The following SGCZ variants were observed in gnomAD, a reference collection of about 807,000 sequenced individuals.
SGCZ encodes the protein sarcoglycan zeta.
A neutral mutation model predicts 41.3 loss-of-function variants in SGCZ; 40 were observed. The observed-to-expected ratio is 0.97, with a 90% CI of 0.75 to 1.26. The LOEUF (loss-of-function observed/expected upper bound fraction) is 1.26. SGCZ is among the 50% of genes most tolerant of loss of function. The pLI, the probability that SGCZ is intolerant of heterozygous loss-of-function variation, is 0.00. For synonymous variants in SGCZ, 206 were observed against 137.5 expected, an observed-to-expected ratio of 1.50 and a Z score of -3.49; for missense variants, 552 against 369.8, an observed-to-expected ratio of 1.49 and a Z score of -4.04.
At chr8:14,928,371 A>G (rs1469377525) in intron 1 of SGCZ, among the ~76,000 whole-genome samples, 1 of 150,096 alleles carries the variant, frequency 6.7e-6, no homozygotes, top group African/African-American at 2.5e-5. Context: ...AAGTGTGGTT[A>G]CTCTTCTTAC....
At chr8:14,626,296 C>T (rs1165717703) in intron 1 of SGCZ, among the ~76,000 whole-genome samples, 3 of 152,060 alleles carry the variant, frequency 2.0e-5, no homozygotes, top group African/African-American at 7.2e-5. Context: ...TTTGTCCTGA[C>T]GCTATCCCTC....
At position 14,164,587 on chromosome 8, in the gene SGCZ, T is replaced by G; in HGVS notation, c.540A>C (p.Lys180Asn). 6.2e-7 allele frequency: 1 copy of G among 1,613,392 alleles called. No individual in the cohort carries two copies. ...GACCTCCATCTACAGTACCTGTAAC[T>G]TTCAGCTTTTCAGCCCCAATGGTAA... is the stretch of plus-strand genomic sequence containing the variant. ...DEITIGAEKL[K>N]VTGTEGAVFG... Residue 180 changes from lysine (K) to asparagine (N), a missense_variant, in exon 5 of 8, where the codon AAA becomes AAC. Coordinates refer to ENST00000382080, the MANE Select transcript of SGCZ (RefSeq NM_139167.4).
chr8:14,393,694 C>G (rs1585445642), intron 2 of SGCZ, among the ~76,000 whole-genome samples: 1 of 152,166 alleles, frequency 6.6e-6, no homozygotes, highest in African/African-American at 2.4e-5. Flanking sequence ...TTGCTCAATT[C>G]CTCCTGTGCC....
At chr8:14,150,183 A>T (rs1255746225) in intron 5 of SGCZ, among the ~76,000 whole-genome samples, 3 of 152,150 alleles carry the variant, frequency 2.0e-5, no homozygotes, top group Non-Finnish European at 4.4e-5. Flanking sequence ...ATAGGATCAA[A>T]TCAAGTTAAA....
chr8:14,272,536 T>A (rs77809087), intron 3 of SGCZ, among the ~76,000 whole-genome samples: 1,847 of 152,300 alleles, frequency 0.012, 43 homozygotes, highest in African/African-American at 0.041. Flanking sequence ...ATGACATGAC[T>A]GAACTTGGAG....
At chr8:14,772,696 G>A (rs1800286043) in intron 1 of SGCZ, among the ~76,000 whole-genome samples, 1 of 150,072 alleles carries the variant, frequency 6.7e-6, no homozygotes, top group Non-Finnish European at 1.5e-5. Flanking sequence ...TTTTGTTCTT[G>A]CAATGTTTAC....
intron 1 of SGCZ, among the ~76,000 whole-genome samples, chr8:15,012,516 A>G (rs1250001153): frequency 8.1e-6 from 1 of 124,100 alleles, no homozygotes; most frequent in East Asian, 2.7e-4. Context: ...ATATATATTT[A>G]TACATAAACA....
At chr8:14,864,947 C>CT (rs1803875846) in intron 1 of SGCZ, among the ~76,000 whole-genome samples, 4 of 151,934 alleles carry the variant, frequency 2.6e-5, no homozygotes, top group African/African-American at 9.6e-5. Context: ...TTTTCTATGT[C>CT]TTTTTTGAGA....
intron 3 of SGCZ, among the ~76,000 whole-genome samples, chr8:14,270,733 T>C (rs2117262231): frequency 6.6e-6 from 1 of 152,266 alleles, no homozygotes; most frequent in Non-Finnish European, 1.5e-5. Flanking sequence ...TATACATCAT[T>C]TCTTATGAAA....
chr8:14,587,083 G>A (rs981003960), intron 1 of SGCZ, among the ~76,000 whole-genome samples: 1 of 150,120 alleles, frequency 6.7e-6, no homozygotes, highest in African/African-American at 2.5e-5. Context: ...ACAACCAAGA[G>A]AACAATTTCT....
At chr8:14,436,863 A>G (rs1394978821) in intron 2 of SGCZ, among the ~76,000 whole-genome samples, 1 of 152,186 alleles carries the variant, frequency 6.6e-6, no homozygotes, top group African/African-American at 2.4e-5. Context: ...AAAACTGACA[A>G]AATATGGTTA....
At chr8:14,829,117 G>A (rs540681110) in intron 1 of SGCZ, among the ~76,000 whole-genome samples, 3 of 133,738 alleles carry the variant, frequency 2.2e-5, no homozygotes, top group African/African-American at 3.4e-5. Flanking sequence ...CATGGAGTTT[G>A]TTGTACAGAT....
At chr8:14,225,517 A>G (rs975676031) in intron 4 of SGCZ, among the ~76,000 whole-genome samples, 7 of 152,112 alleles carry the variant, frequency 4.6e-5, no homozygotes, top group Admixed American at 1.3e-4. Context: ...TCAACATGAT[A>G]GTCAGGTGTA....
At chr8:14,658,822 A>T (rs1283680075) in intron 1 of SGCZ, among the ~76,000 whole-genome samples, 1 of 152,038 alleles carries the variant, frequency 6.6e-6, no homozygotes, top group African/African-American at 2.4e-5. Context: ...AAGAGTATCT[A>T]GCAGAGAGCA....
At chr8:14,393,148 TATAAAGG>T (rs1406725592) in intron 2 of SGCZ, among the ~76,000 whole-genome samples, 2 of 152,176 alleles carry the variant, frequency 1.3e-5, no homozygotes, top group South Asian at 2.1e-4. Flanking sequence ...GTCTGATACG[TATAAAGG>T]ATAAAGTAGT....
intron 1 of SGCZ, among the ~76,000 whole-genome samples, chr8:14,917,490 A>C (rs1799469990): frequency 6.6e-6 from 1 of 152,118 alleles, no homozygotes; most frequent in Non-Finnish European, 1.5e-5. Flanking sequence ...AATTATTCCT[A>C]GTAATATAAC....
chr8:15,154,811 T>G (rs1585619702), intron 1 of SGCZ, among the ~76,000 whole-genome samples: 1 of 152,194 alleles, frequency 6.6e-6, no homozygotes, highest in African/African-American at 2.4e-5. Flanking sequence ...CTGCCAGAAT[T>G]TGTATAAAAA....
At chr8:14,456,741 T>A (rs771700276) in intron 2 of SGCZ, among the ~76,000 whole-genome samples, 1 of 152,192 alleles carries the variant, frequency 6.6e-6, no homozygotes, top group Non-Finnish European at 1.5e-5. Context: ...CCAAATCTCA[T>A]GTTGAATTGT....
At chr8:14,325,186 G>A (rs930555813) in intron 2 of SGCZ, among the ~76,000 whole-genome samples, 1 of 152,118 alleles carries the variant, frequency 6.6e-6, no homozygotes, top group African/African-American at 2.4e-5. Flanking sequence ...TCTGGCAGAA[G>A]TACTGTTTAG....
Sources: allele counts gnomAD v4.1 joint callset (sites outside exome capture counted in the v4.1 genomes callset), GRCh38; gene constraint gnomAD v4.1.1; transcripts MANE v1.5; gene names NCBI Gene and HGNC (gene_info 2026-07-23, HGNC 2026-07-21).